The following QARS1 variants were observed in gnomAD, a reference collection of about 807,000 sequenced individuals.
The protein encoded by QARS1 is glutaminyl-tRNA synthetase 1, also known as glutamine--tRNA ligase.
In QARS1, 79 loss-of-function variants were observed where a neutral mutation model predicts 106.9. That is an observed-to-expected ratio of 0.74 (90% CI 0.62 to 0.89). QARS1 has a LOEUF of 0.89. Among genes scored for constraint, QARS1 ranks in the 40% least tolerant of loss-of-function variants. QARS1 has a pLI of 0.00. For synonymous variants in QARS1, 395 were observed against 367.7 expected, an observed-to-expected ratio of 1.07 and a Z score of -0.85; for missense variants, 966 against 997.2, an observed-to-expected ratio of 0.97 and a Z score of 0.42.
chr3:49,104,362 A>G lies in QARS1; in HGVS notation c.227T>C (p.Ile76Thr). The stretch of plus-strand genomic sequence containing the variant: ...CTCAGTGTGGATCTTCTTACTGGCT[A>G]TGTAGCTTACAAGGAAGGAGAGACG... ...TRRLSFLVSY[I>T]ASKKIHTEPQ... The change falls in exon 2 of 24, where the codon ATA (isoleucine) becomes ACA (threonine). Residue 76 changes from isoleucine to threonine, a missense_variant. Physicochemically the swap from Ile to Thr is moderately conservative, Grantham distance 89. Coordinates refer to ENST00000306125, the MANE Select transcript of QARS1 (RefSeq NM_005051.3). The G allele has an allele frequency of 6.2e-7, 1 of 1,613,982 alleles. No individual in the cohort carries two copies. Among genetic ancestry groups the G allele is most frequent in the Non-Finnish European group, 8.5e-7 (1 of 1,179,978 alleles).
Position 49,100,185 on chromosome 3 carries a change from C to T in QARS1, c.1164+5G>A, listed in dbSNP as rs1186492759. On this transcript the variant is annotated splice_donor_5th_base_variant and intron_variant, in intron 13 of 23. Transcript: ENST00000306125. Reference sequence around the variant, plus strand: ...CCAAACCCAGATGCTCCTCTAGGACCCCACCTCAAAGAGCAGCAGTGACTC... The same window carrying T: ...CCAAACCCAGATGCTCCTCTAGGACTCCACCTCAAAGAGCAGCAGTGACTC... 3.7e-6 allele frequency: 6 copies of T among 1,614,044 alleles called. No individual in the cohort carries two copies. Among genetic ancestry groups the T allele is most frequent in the Non-Finnish European group, 5.1e-6 (6 of 1,180,028 alleles).
At position 49,098,960 on chromosome 3, in the gene QARS1, T is replaced by C. The variant is rs769716994; in HGVS notation, c.1788A>G (p.Pro596=). The change falls in exon 19 of 24, where the codon CCA becomes CCG. Residue 596 remains proline (P), a synonymous_variant. Transcript: ENST00000306125. ...KSLDIQVPNF[P]ADETKGFHQV... ...GATGGAAGCCTTTGGTCTCATCAGCTGGGAAGTTGGGCACCTGGATGTCCA... is the reference window on the plus strand; with the variant it reads ...GATGGAAGCCTTTGGTCTCATCAGCCGGGAAGTTGGGCACCTGGATGTCCA... 4.3e-6 allele frequency: 7 copies of C among 1,614,020 alleles called. No homozygotes were observed. The highest frequency in any genetic ancestry group is 1.7e-5 in the Admixed American group (1 of 60,012).
rs746028168 is a variant in QARS1 at position 49,101,622 on chromosome 3, GC to G, written c.786del (p.Gln263ArgfsTer60). The G allele has an allele frequency of 8.1e-6, 13 of 1,613,538 alleles. No individual in the cohort carries two copies. The highest frequency in any genetic ancestry group is 1.3e-5 in the African/African-American group (1 of 75,010). ...LLKQHLEITG[G>X]QVRTRFPPEP... ...CACATGGCCACATCCCCACACACCT[GC>G]CCACCAGTAATCTCCAGGTGCTGCT... On this transcript the variant is annotated frameshift_variant, in exon 9 of 24. Coordinates refer to ENST00000306125, the MANE Select transcript of QARS1 (RefSeq NM_005051.3). LOFTEE classifies it high-confidence loss of function.
At chr3:49,097,955 C>G in intron 23 of QARS1, 37 bp downstream of exon 23, 4 of 1,612,816 alleles carry the variant, frequency 2.5e-6, no homozygotes, top group Non-Finnish European at 2.5e-6. Context: ...GCCACTGTCA[C>G]TGCTGCAGAT....
At position 49,104,357 on chromosome 3, in the gene QARS1, T is replaced by A. The variant is rs767410688; in HGVS notation, c.232A>T (p.Ser78Cys). The A allele has an allele frequency of 1.6e-5, 26 of 1,614,084 alleles. No individual in the cohort carries two copies. The highest frequency in any genetic ancestry group is 2.2e-5 in the Non-Finnish European group (26 of 1,180,042). ...RLSFLVSYIA[S>C]KKIHTEPQLS... The stretch of plus-strand genomic sequence containing the variant: ...TGGGGCTCAGTGTGGATCTTCTTAC[T>A]GGCTATGTAGCTTACAAGGAAGGAG... Residue 78 changes from serine (S) to cysteine (C), a missense_variant, in exon 2 of 24, where the codon AGT becomes TGT. Coordinates refer to ENST00000306125, the MANE Select transcript of QARS1 (RefSeq NM_005051.3).
chr3:49,100,997 C>T (rs558341159), intron 10 of QARS1, among the ~76,000 whole-genome samples: 3 of 152,316 alleles, frequency 2.0e-5, no homozygotes, highest in Non-Finnish European at 4.4e-5. Context: ...CCACTTTAGC[C>T]TCCCGAAGTG....
Position 49,098,851 on chromosome 3 carries a change from G to A in QARS1, c.1863+34C>T, listed in dbSNP as rs371414897. ...TGAAAGGTTCCCAGTACCAGACTCA[G>A]CAGCAAACGGGACCCTCCACCCCCA... On this transcript the variant is annotated intron_variant, in intron 19 of 23. Coordinates refer to ENST00000306125, the MANE Select transcript of QARS1 (RefSeq NM_005051.3). The A allele has an allele frequency of 5.7e-6, 9 of 1,566,142 alleles. No homozygotes were observed. In the Admixed American group the frequency reaches 1.0e-4, roughly 17 times the overall value.
At position 49,099,111 on chromosome 3, in the gene QARS1, T is replaced by A; in HGVS notation, c.1757A>T (p.Lys586Met). The A allele has an allele frequency of 6.2e-7, 1 of 1,614,156 alleles. No individual in the cohort carries two copies. ...RVIITNFPAA[K>M]SLDIQVPNFP... ...ACACACATGTTGAGGCAGGCCCACC[T>A]TGGCAGCAGGAAAGTTGGTGATGAT... Residue 586 changes from lysine (K) to methionine (M), a missense_variant and splice_region_variant, in exon 18 of 24, where the codon AAG (lysine) becomes ATG (methionine). Physicochemically the swap from Lys to Met is moderately conservative, Grantham distance 95. Coordinates refer to ENST00000306125, the MANE Select transcript of QARS1 (RefSeq NM_005051.3).
intron 5 of QARS1, chr3:49,102,730 C>A: frequency 1.8e-6 from 1 of 552,528 alleles, no homozygotes; most frequent in Non-Finnish European, 3.4e-6. Context: ...CAACCTCCGC[C>A]TCCTGGATTC....
chr3:49,102,946 C>G (rs1158987661), intron 5 of QARS1, among the ~76,000 whole-genome samples: 1 of 151,944 alleles, frequency 6.6e-6, no homozygotes, highest in Non-Finnish European at 1.5e-5. Context: ...GCCCAGCCCC[C>G]TCCCACCTTT....
Position 49,101,882 on chromosome 3 carries a change from T to G in QARS1, c.649A>C (p.Thr217Pro). The change falls in exon 8 of 24, where the codon ACC (threonine) becomes CCC (proline). Residue 217 changes from threonine (T) to proline (P), a missense_variant. Coordinates refer to ENST00000306125, the MANE Select transcript of QARS1 (RefSeq NM_005051.3). Reference sequence around the variant, plus strand: ...CGGAGCTGCTCCATCAGAGACAGGGTCTGGTCAGCAGTCTCGCCTGTGGGG... The same window carrying G: ...CGGAGCTGCTCCATCAGAGACAGGGGCTGGTCAGCAGTCTCGCCTGTGGGG... ...VVENGETADQTLSLMEQLRGE... is the reference protein window; with the variant it reads ...VVENGETADQPLSLMEQLRGE... 1 of 1,611,972 alleles carries G rather than the reference T, an allele frequency of 6.2e-7. No individual in the cohort carries two copies. The highest frequency in any genetic ancestry group is 8.5e-7 in the Non-Finnish European group (1 of 1,178,984).
intron 16 of QARS1, 25 bp from the exon 17 acceptor site, chr3:49,099,456 G>A: frequency 6.2e-7 from 1 of 1,614,160 alleles, no homozygotes; most frequent in Non-Finnish European, 8.5e-7. Context: ...GTGGTGAGAA[G>A]GCCTTTGGGA....
chr3:49,103,713 A>G lies in QARS1; in HGVS notation c.376-7T>C. 6.2e-7 allele frequency: 1 copy of G among 1,613,434 alleles called. No homozygotes were observed. The stretch of plus-strand genomic sequence containing the variant: ...TGTTAATAGCAGCCTCCACCTGCAG[A>G]AAGCCAAACCATGTGGTTCAGGAAA... On this transcript the variant is annotated splice_region_variant and splice_polypyrimidine_tract_variant and intron_variant, in intron 3 of 23. Transcript: ENST00000306125.
chr3:49,102,441 G>A lies in QARS1; in HGVS notation c.548C>T (p.Ala183Val). The A allele has an allele frequency of 6.2e-7, 1 of 1,614,130 alleles. No homozygotes were observed. The highest frequency in any genetic ancestry group is 8.5e-7 in the Non-Finnish European group (1 of 1,180,018). The change falls in exon 6 of 24, where the codon GCT (alanine) becomes GTT (valine). Residue 183 changes from alanine to valine, a missense_variant. By Grantham distance (64) the Ala-to-Val change is moderately conservative. Coordinates refer to ENST00000306125, the MANE Select transcript of QARS1 (RefSeq NM_005051.3). ...TACCTTGAACTTCTTCTCCAGATCA[G>A]CCTCCAACTTGGGGCCCAGAAGGTG... is the stretch of plus-strand genomic sequence containing the variant. ...VLHLLGPKLE[A>V]DLEKKFKVAK...
rs376870623 is a variant in QARS1, at chr3:49,096,044, G to A, written c.2313C>T (p.Asp771=). 9 of 1,613,936 alleles carry A rather than the reference G, an allele frequency of 5.6e-6. No individual in the cohort carries two copies. The highest frequency in any genetic ancestry group is 5.5e-5 in the South Asian group (5 of 91,012). ...TGCTTCCAGCTCACACCTTTCCTGGGTCTTCCTTCAGTGTGACAGTTCGGT... is the reference window on the plus strand; with the variant it reads ...TGCTTCCAGCTCACACCTTTCCTGGATCTTCCTTCAGTGTGACAGTTCGGT... ...VFNRTVTLKE[D]PGKV Residue 771 remains aspartate, a synonymous_variant, in exon 24 of 24, where the codon GAC becomes GAT. Transcript: ENST00000306125.
intron 5 of QARS1, 29 bp downstream of exon 5, chr3:49,103,316 C>T (rs751279134): frequency 2.5e-6 from 4 of 1,612,060 alleles, no homozygotes; most frequent in Non-Finnish European, 3.4e-6. Context: ...AGAGTCTTTG[C>T]CAGCTTCAGC....
intron 17 of QARS1, 33 bp downstream of exon 17, chr3:49,099,311 C>A: frequency 6.2e-7 from 1 of 1,614,162 alleles, no homozygotes; most frequent in East Asian, 2.2e-5. Context: ...ACACTCAACC[C>A]CCAATGTATC....
chr3:49,097,480 CT>C (rs2042407326), intron 23 of QARS1, among the ~76,000 whole-genome samples: 4 of 150,556 alleles, frequency 2.7e-5, no homozygotes, highest in African/African-American at 9.8e-5. Flanking sequence ...CCACCATGCC[CT>C]GCCTCAAAAA....
Position 49,102,418 on chromosome 3 carries a change from C to A in QARS1, c.570+1G>T. The A allele has an allele frequency of 6.2e-7, 1 of 1,614,180 alleles. No individual in the cohort carries two copies. Among genetic ancestry groups the A allele is most frequent in the South Asian group, 1.1e-5 (1 of 91,086 alleles). On this transcript the variant is annotated splice_donor_variant, in intron 6 of 23. Transcript: ENST00000306125. LOFTEE classifies it high-confidence loss of function. The stretch of plus-strand genomic sequence containing the variant: ...GGACTCAGGGCCATGCCCATCCCTA[C>A]CTTGAACTTCTTCTCCAGATCAGCC...
Sources: allele counts gnomAD v4.1 joint callset (sites outside exome capture counted in the v4.1 genomes callset), GRCh38; gene constraint gnomAD v4.1.1; transcripts MANE v1.5; gene names NCBI Gene and HGNC (gene_info 2026-07-23, HGNC 2026-07-21).